The following RAPGEF4 variants were observed in gnomAD, a reference collection of about 807,000 sequenced individuals.
RAPGEF4 encodes the protein Rap guanine nucleotide exchange factor 4, also known as RAP guanine-nucleotide-exchange factor (GEF) 4.
Under a neutral mutation model 147.9 loss-of-function variants are expected in RAPGEF4, and 66 were observed. The ratio of observed to expected loss-of-function variants is 0.45; its 90% CI spans 0.37 to 0.55. The LOEUF is 0.55. RAPGEF4 is among the 20% of genes least tolerant of loss of function. The pLI is 0.00. For synonymous variants in RAPGEF4, 419 were observed against 442.7 expected (o/e 0.95, Z 0.67); for missense variants, 1,071 against 1,257.3 (o/e 0.85, Z 2.24).
chr2:172,736,112 C>G, intron 1 of RAPGEF4, 64 bp downstream of exon 1: 1 of 1,270,946 alleles, frequency 7.9e-7, no homozygotes, highest in Non-Finnish European at 1.0e-6. Context: ...CCTGAGACCG[C>G]CGCAGCTCCG....
At chr2:172,790,027 G>C (rs2149531824) in intron 1 of RAPGEF4, among the ~76,000 whole-genome samples, 1 of 152,202 alleles carries the variant, frequency 6.6e-6, no homozygotes, top group East Asian at 1.9e-4. Flanking sequence ...AACTTTTTGA[G>C]GAATCTCTAA....
chr2:172,970,314 C>T (rs1388847328), intron 10 of RAPGEF4, among the ~76,000 whole-genome samples: 2 of 152,114 alleles, frequency 1.3e-5, no homozygotes, highest in East Asian at 3.9e-4. Context: ...AAGCACTTCA[C>T]TCCTGGAAAC....
chr2:172,917,425 AT>A, intron 4 of RAPGEF4: 1 of 520,680 alleles, frequency 1.9e-6, no homozygotes, highest in Non-Finnish European at 3.8e-6. Context: ...TAGGCAGCAC[AT>A]TTATTTGTAT....
chr2:172,965,805 A>G, intron 9 of RAPGEF4, 122 bp downstream of exon 9: 1 of 1,236,794 alleles, frequency 8.1e-7, no homozygotes. Flanking sequence ...GGACCTGCAG[A>G]GCTAGCATCT....
chr2:172,768,571 A>G (rs1256824260), intron 1 of RAPGEF4, among the ~76,000 whole-genome samples: 1 of 151,906 alleles, frequency 6.6e-6, no homozygotes, highest in Non-Finnish European at 1.5e-5. Flanking sequence ...TCCTGGCGTG[A>G]GTACTCAGGC....
chr2:172,802,479 C>A (rs559124752), intron 3 of RAPGEF4, among the ~76,000 whole-genome samples: 59 of 152,260 alleles, frequency 3.9e-4, no homozygotes, highest in African/African-American at 1.4e-3. Flanking sequence ...GAGAACAGTA[C>A]AGGAAAGACC....
At chr2:172,825,342 C>A (rs1689551319) in intron 4 of RAPGEF4, among the ~76,000 whole-genome samples, 1 of 152,200 alleles carries the variant, frequency 6.6e-6, no homozygotes, top group South Asian at 2.1e-4. Flanking sequence ...TGTATGGCTA[C>A]TTGAAGTATA....
intron 17 of RAPGEF4, 72 bp downstream of exon 17, chr2:173,001,416 C>T (rs1559175772): frequency 6.3e-7 from 1 of 1,582,954 alleles, no homozygotes; most frequent in Non-Finnish European, 8.6e-7. Context: ...CCATTCTTAT[C>T]TCATCTTCTG....
chr2:172,990,754 T>A (rs1692750735), intron 14 of RAPGEF4, 56 bp from the exon 15 acceptor site: 1 of 1,320,846 alleles, frequency 7.6e-7, no homozygotes, highest in African/African-American at 1.5e-5. Context: ...TTTGAAAATT[T>A]TTTCATTGTC....
At chr2:172,947,919 A>G (rs1687839857) in intron 6 of RAPGEF4, among the ~76,000 whole-genome samples, 1 of 152,180 alleles carries the variant, frequency 6.6e-6, no homozygotes, top group Non-Finnish European at 1.5e-5. Flanking sequence ...AAGAAACAGA[A>G]TGTCACCACC....
At chr2:172,891,663 C>T (rs139499142) in intron 4 of RAPGEF4, among the ~76,000 whole-genome samples, 22 of 152,228 alleles carry the variant, frequency 1.4e-4, no homozygotes, top group East Asian at 7.7e-4. Context: ...GAAGGATGGG[C>T]GGGTGCCTGA....
chr2:172,735,825 C>G, upstream of RAPGEF4: 1 of 437,612 alleles, frequency 2.3e-6, no homozygotes, highest in Non-Finnish European at 3.3e-6. Context: ...CCCCAGGCCG[C>G]GGGAGCCCGC....
intron 1 of RAPGEF4, among the ~76,000 whole-genome samples, chr2:172,783,811 G>C (rs1461082897): frequency 6.6e-6 from 1 of 151,932 alleles, no homozygotes; most frequent in East Asian, 1.9e-4. Context: ...GTGGGTGTGT[G>C]AGTAGGAAAC....
chr2:172,788,353 AGAG>A (rs1489724232), intron 1 of RAPGEF4, among the ~76,000 whole-genome samples: 2 of 152,236 alleles, frequency 1.3e-5, no homozygotes, highest in Non-Finnish European at 2.9e-5. Flanking sequence ...ATTGGATTTC[AGAG>A]AAGAGAAAAC....
At chr2:172,780,871 A>G (rs1448818784) in intron 1 of RAPGEF4, among the ~76,000 whole-genome samples, 1 of 152,234 alleles carries the variant, frequency 6.6e-6, no homozygotes, top group Admixed American at 6.5e-5. Flanking sequence ...TAATTTTGAT[A>G]TACACCATCA....
intron 4 of RAPGEF4, among the ~76,000 whole-genome samples, chr2:172,878,541 G>A (rs1044659029): frequency 2.0e-5 from 3 of 152,224 alleles, no homozygotes; most frequent in African/African-American, 7.2e-5. Context: ...AAAAATTGTC[G>A]GGAAGAAGCT....
chr2:172,923,869 C>T (rs1011302520), intron 6 of RAPGEF4, among the ~76,000 whole-genome samples: 1 of 152,164 alleles, frequency 6.6e-6, no homozygotes, highest in African/African-American at 2.4e-5. Context: ...CTACTCTTCA[C>T]CTCTGAAAAA....
intron 19 of RAPGEF4, among the ~76,000 whole-genome samples, chr2:173,016,752 C>T (rs1353292643): frequency 6.6e-6 from 1 of 152,158 alleles, no homozygotes; most frequent in Non-Finnish European, 1.5e-5. Flanking sequence ...TGGCCAGCGG[C>T]ATTTAAAGAA....
In RAPGEF4 at chr2:172,931,972, C is replaced by T. The variant is rs368468186; in HGVS notation, c.537+9672C>T. 1.3e-3 allele frequency among the ~76,000 whole-genome samples: 194 copies of T among 151,732 alleles called. 1 individual carries two copies. The highest frequency in any genetic ancestry group is 4.2e-3 in the African/African-American group (173 of 41,314). On this transcript the variant is annotated intron_variant, in intron 6 of 30. Transcript: ENST00000397081. ...TCCCGCCACTCCTCACACCCCTTGACTCCCATGCGCCCCCCACCCCCACCC... is the reference window on the plus strand; with the variant it reads ...TCCCGCCACTCCTCACACCCCTTGATTCCCATGCGCCCCCCACCCCCACCC...
Sources: allele counts gnomAD v4.1 joint callset (sites outside exome capture counted in the v4.1 genomes callset), GRCh38; gene constraint gnomAD v4.1.1; transcripts MANE v1.5; gene names NCBI Gene and HGNC (gene_info 2026-07-23, HGNC 2026-07-21).